Variants in STYK1 observed in about 807,000 individuals in gnomAD.
The protein encoded by STYK1 is STY kinase 1.
Under a neutral mutation model 48.1 loss-of-function variants are expected in STYK1, and 46 were observed. The observed-to-expected ratio is 0.96, with a 90% CI of 0.75 to 1.22. The LOEUF is 1.22. Ranked by LOEUF, STYK1 falls within the 50% of genes most tolerant of loss-of-function variation. The pLI is 0.00. For missense variants in STYK1, 527 were observed against 521.1 expected, an observed-to-expected ratio of 1.01 and a Z score of -0.11; for synonymous variants, 188 against 189.0, an observed-to-expected ratio of 0.99 and a Z score of 0.04.
At position 10,672,892 on chromosome 12, in the gene STYK1, G is replaced by A. The variant is rs902591958; in HGVS notation, c.-195+1074C>T. 6.6e-6 allele frequency among the ~76,000 whole-genome samples: 1 copy of A among 151,996 alleles called. No homozygotes were observed. The highest frequency in any genetic ancestry group is 2.4e-5 in the African/African-American group (1 of 41,352). On this transcript the variant is annotated intron_variant, in intron 1 of 10. Coordinates refer to ENST00000075503, the MANE Select transcript of STYK1 (RefSeq NM_018423.3). The surrounding 1 kb of genome is among the most constrained non-coding windows in gnomAD (Gnocchi z 4.0). Reference sequence around the variant, plus strand: ...GCTGCCCCCTAGCTAGCTGTCAGTGGAGATTCCGGTGCATTGAGGGGGAAA... The same window carrying A: ...GCTGCCCCCTAGCTAGCTGTCAGTGAAGATTCCGGTGCATTGAGGGGGAAA...
chr12:10,654,183 G>C (rs1281139595), intron 1 of STYK1, among the ~76,000 whole-genome samples: 1 of 152,040 alleles, frequency 6.6e-6, no homozygotes, highest in Non-Finnish European at 1.5e-5. Context: ...TACCCTATGT[G>C]GTCTAAAAAA....
rs145776029 is a variant in STYK1 at position 10,662,570 on chromosome 12, G to T, written c.-195+11396C>A. On this transcript the variant is annotated intron_variant, in intron 1 of 10. Transcript: ENST00000075503. ...GTAGCCCAACTAGTTGGTATGAAAT[G>T]ATATCTCACTGTGGTTTTGATTTGC... Among the ~76,000 whole-genome samples the T allele has an allele frequency of 9.8e-4, 147 of 150,202 alleles. 1 individual carries two copies. Among genetic ancestry groups the T allele is most frequent in the African/African-American group, 3.5e-3 (144 of 41,120 alleles).
chr12:10,634,166 C>T (rs1030420770), intron 3 of STYK1, 42 bp from the exon 4 acceptor site: 48 of 1,381,712 alleles, frequency 3.5e-5, no homozygotes, highest in Non-Finnish European at 4.6e-5. Context: ...AATGAAGAAG[C>T]CTAACCTGGT....
chr12:10,667,184 C>G (rs1395802382), intron 1 of STYK1: 2 of 152,124 alleles, frequency 1.3e-5, no homozygotes, highest in African/African-American at 4.8e-5. Flanking sequence ...AGGTTAACAG[C>G]TACAGAGGAA....
At chr12:10,645,943 A>C (rs988301515) in intron 1 of STYK1, among the ~76,000 whole-genome samples, 5 of 152,214 alleles carry the variant, frequency 3.3e-5, no homozygotes, top group African/African-American at 7.2e-5. Context: ...GCCTGCCACC[A>C]TCCACGTAAG....
At chr12:10,655,036 C>T (rs889246783) in intron 1 of STYK1, among the ~76,000 whole-genome samples, 4 of 152,214 alleles carry the variant, frequency 2.6e-5, no homozygotes, top group Non-Finnish European at 4.4e-5. Flanking sequence ...CCTCTCTGTA[C>T]AAACCAGTTG....
At chr12:10,637,633 G>A (rs1432069360) in intron 1 of STYK1, among the ~76,000 whole-genome samples, 1 of 152,120 alleles carries the variant, frequency 6.6e-6, no homozygotes, top group African/African-American at 2.4e-5. Flanking sequence ...GAGCCACTGC[G>A]CCTGGCCGAG....
intron 1 of STYK1, among the ~76,000 whole-genome samples, chr12:10,664,130 C>T (rs1362336320): frequency 1.3e-5 from 2 of 152,066 alleles, no homozygotes; most frequent in African/African-American, 4.8e-5. Flanking sequence ...TATAAGGCCA[C>T]TGTTGATCCT....
chr12:10,624,107 G>A (rs1303003295), intron 8 of STYK1, among the ~76,000 whole-genome samples: 1 of 150,378 alleles, frequency 6.6e-6, no homozygotes, highest in Admixed American at 6.6e-5. Context: ...TTCTAATTAA[G>A]GCTGCTAATC....
intron 1 of STYK1, among the ~76,000 whole-genome samples, chr12:10,670,004 G>A (rs748874730): frequency 6.6e-6 from 1 of 152,126 alleles, no homozygotes; most frequent in Non-Finnish European, 1.5e-5. Context: ...ATAGAGAAAG[G>A]GGAATGCTTG....
intron 1 of STYK1, among the ~76,000 whole-genome samples, chr12:10,642,880 G>C (rs1397340501): frequency 6.6e-6 from 1 of 152,152 alleles, no homozygotes; most frequent in African/African-American, 2.4e-5. Context: ...GTATTCATCA[G>C]GGAAAATATA....
chr12:10,665,941 C>A (rs967223016), intron 1 of STYK1, among the ~76,000 whole-genome samples: 1 of 152,118 alleles, frequency 6.6e-6, no homozygotes, highest in African/African-American at 2.4e-5. Flanking sequence ...GTGGAATCTG[C>A]GAATAAGTCT....
intron 1 of STYK1, among the ~76,000 whole-genome samples, chr12:10,644,410 T>C (rs928635220): frequency 6.6e-6 from 1 of 152,238 alleles, no homozygotes; most frequent in Non-Finnish European, 1.5e-5. Context: ...ATAATTTGGA[T>C]AATTTACTAC....
chr12:10,639,964 G>C (rs1591686494), intron 1 of STYK1, among the ~76,000 whole-genome samples: 3 of 152,054 alleles, frequency 2.0e-5, no homozygotes, highest in South Asian at 4.1e-4. Flanking sequence ...TGCCTGTAAG[G>C]GTGTCCATAT....
intron 1 of STYK1, among the ~76,000 whole-genome samples, chr12:10,658,873 G>C (rs1947746820): frequency 1.3e-5 from 2 of 152,174 alleles, no homozygotes; most frequent in South Asian, 4.1e-4. Flanking sequence ...GTGTGCCACA[G>C]AGGTAACCAT....
intron 2 of STYK1, 36 bp from the exon 3 acceptor site, chr12:10,634,722 A>G (rs577108759): frequency 3.0e-6 from 4 of 1,328,880 alleles, no homozygotes; most frequent in Non-Finnish European, 4.2e-6. Flanking sequence ...AAATAAAATG[A>G]ATGAAAAAAA....
At chr12:10,621,279 G>C (rs892082064) in intron 10 of STYK1, among the ~76,000 whole-genome samples, 1 of 152,070 alleles carries the variant, frequency 6.6e-6, no homozygotes, top group African/African-American at 2.4e-5. Context: ...CCTCTAGGTT[G>C]GTTCACTAAC....
chr12:10,651,403 T>A (rs1947661369), intron 1 of STYK1, among the ~76,000 whole-genome samples: 1 of 152,226 alleles, frequency 6.6e-6, no homozygotes, highest in African/African-American at 2.4e-5. Context: ...AGTTTTGTAC[T>A]CTTAAGCAAA....
chr12:10,621,791 C>A, intron 10 of STYK1, 85 bp downstream of exon 10: 1 of 1,245,848 alleles, frequency 8.0e-7, no homozygotes, highest in Non-Finnish European at 1.2e-6. Flanking sequence ...TGAGGATCAT[C>A]TGAGCCCTTT....
Sources: gnomAD v4.1 joint callset for allele counts (sites outside exome capture counted in the v4.1 genomes callset) on GRCh38, gnomAD v4.1.1 for gene constraint, Gnocchi (gnomAD v3.1) non-coding constraint, MANE v1.5 for transcripts, NCBI Gene and HGNC (gene_info 2026-07-23, HGNC 2026-07-21) for gene names.